Variants in SPAG16 observed in about 807,000 individuals in gnomAD.
SPAG16 encodes sperm-associated antigen 16 protein.
In SPAG16, 86 loss-of-function variants were observed where a neutral mutation model predicts 80.4. That is an observed-to-expected ratio of 1.07 (90% confidence interval 0.90 to 1.28). The LOEUF (loss-of-function observed/expected upper bound fraction) is 1.28, where lower values mean the gene tolerates loss of function less well. Ranked by LOEUF, SPAG16 falls within the 50% of genes most tolerant of loss-of-function variation. The pLI is 0.00. For missense variants in SPAG16, 870 were observed against 765.3 expected, an observed-to-expected ratio of 1.14 and a Z score of -1.61; for synonymous variants, 294 against 265.9, an observed-to-expected ratio of 1.11 and a Z score of -1.03.
Position 213,957,835 on chromosome 2 carries a change from C to T in SPAG16, c.1400+27690C>T, listed in dbSNP as rs562594428. Among the ~76,000 whole-genome samples the T allele has an allele frequency of 2.6e-5, 4 of 152,228 alleles. No individual in the cohort carries two copies. The South Asian group carries it at 8.3e-4, about 32-fold the overall frequency. ...GCACTATAATTTGAATTTATACCAGCTTAACTTCTGTTGTGATTTTCTAAT... is the reference window on the plus strand; with the variant it reads ...GCACTATAATTTGAATTTATACCAGTTTAACTTCTGTTGTGATTTTCTAAT... On this transcript the variant is annotated intron_variant, in intron 12 of 15. Transcript: ENST00000331683.
intron 12 of SPAG16, among the ~76,000 whole-genome samples, chr2:213,984,348 C>G (rs545505267): frequency 6.6e-6 from 1 of 152,170 alleles, no homozygotes; most frequent in South Asian, 2.1e-4. Context: ...CTATATACAT[C>G]CATAAGTGCA....
chr2:213,424,728 A>G (rs142206930), intron 9 of SPAG16, among the ~76,000 whole-genome samples: 2 of 152,298 alleles, frequency 1.3e-5, no homozygotes, highest in South Asian at 2.1e-4. Flanking sequence ...TAGAGATGCT[A>G]TAGTCCTTAC....
At chr2:213,688,901 T>C (rs934634000) in intron 10 of SPAG16, among the ~76,000 whole-genome samples, 1 of 152,226 alleles carries the variant, frequency 6.6e-6, no homozygotes, top group Non-Finnish European at 1.5e-5. Flanking sequence ...CTGTTTCTTC[T>C]TAACCTATTT....
chr2:213,500,156 A>G (rs1395194946), intron 10 of SPAG16, among the ~76,000 whole-genome samples: 1 of 152,168 alleles, frequency 6.6e-6, no homozygotes, highest in Non-Finnish European at 1.5e-5. Flanking sequence ...ACACCTGACA[A>G]ACCCACAGAA....
intron 10 of SPAG16, among the ~76,000 whole-genome samples, chr2:213,788,268 A>G (rs2070466049): frequency 6.6e-6 from 1 of 152,016 alleles, no homozygotes; most frequent in Admixed American, 6.6e-5. Flanking sequence ...AGTCAATATA[A>G]GTATTTATAG....
At chr2:213,554,880 T>C (rs564643631) in intron 10 of SPAG16, among the ~76,000 whole-genome samples, 1 of 151,880 alleles carries the variant, frequency 6.6e-6, no homozygotes, top group African/African-American at 2.4e-5. Flanking sequence ...ATTCAAGTTA[T>C]AAGAGTTTAA....
intron 15 of SPAG16, among the ~76,000 whole-genome samples, chr2:214,243,800 T>C (rs1441228981): frequency 6.6e-6 from 1 of 152,156 alleles, no homozygotes; most frequent in Non-Finnish European, 1.5e-5. Flanking sequence ...AGAGTTTGGA[T>C]TGGCAACAGT....
chr2:214,226,770 A>T (rs1190537261), intron 15 of SPAG16, among the ~76,000 whole-genome samples: 1 of 152,086 alleles, frequency 6.6e-6, no homozygotes, highest in Non-Finnish European at 1.5e-5. Context: ...AGAACTATTC[A>T]GTTCAGTCTT....
intron 13 of SPAG16, among the ~76,000 whole-genome samples, chr2:214,051,890 C>T (rs1037647244): frequency 2.0e-5 from 3 of 152,162 alleles, no homozygotes; most frequent in East Asian, 1.9e-4. Context: ...CATCATTAGA[C>T]GTACTTCATA....
intron 13 of SPAG16, among the ~76,000 whole-genome samples, chr2:214,023,418 GA>G (rs946818686): frequency 2.7e-5 from 4 of 148,204 alleles, no homozygotes; most frequent in East Asian, 4.0e-4. Context: ...AAAAAAAAAA[GA>G]AAAAAATACT....
At chr2:213,454,266 C>A (rs144797390) in intron 9 of SPAG16, among the ~76,000 whole-genome samples, 1 of 152,140 alleles carries the variant, frequency 6.6e-6, no homozygotes, top group Admixed American at 6.5e-5. Flanking sequence ...TTGATGTTAG[C>A]AAACTATGGA....
intron 10 of SPAG16, among the ~76,000 whole-genome samples, chr2:213,667,929 TCTA>T (rs759735442): frequency 1.3e-5 from 2 of 150,942 alleles, no homozygotes; most frequent in East Asian, 3.9e-4. Flanking sequence ...GAATAAAAAT[TCTA>T]CTATTTATTT....
chr2:214,310,213 A>AT (rs1282455590), intron 15 of SPAG16, among the ~76,000 whole-genome samples: 1 of 124,816 alleles, frequency 8.0e-6, no homozygotes, highest in Non-Finnish European at 1.7e-5. Context: ...CTTTATATTT[A>AT]TTTTTTCCTC....
intron 11 of SPAG16, among the ~76,000 whole-genome samples, chr2:213,877,212 A>T (rs998217916): frequency 6.6e-6 from 1 of 152,146 alleles, no homozygotes; most frequent in African/African-American, 2.4e-5. Context: ...CTTATTAAGG[A>T]TATCTTTCCC....
chr2:213,431,418 T>G (rs2070289540), intron 9 of SPAG16, among the ~76,000 whole-genome samples: 1 of 151,682 alleles, frequency 6.6e-6, no homozygotes. Flanking sequence ...AAAAAAGATA[T>G]TCCATGCAAA....
At chr2:213,333,369 A>G (rs2064193917) in intron 5 of SPAG16, among the ~76,000 whole-genome samples, 1 of 152,198 alleles carries the variant, frequency 6.6e-6, no homozygotes, top group Admixed American at 6.5e-5. Context: ...AGCAACATGG[A>G]AAGACATTAC....
chr2:213,481,311 A>G (rs2073736795), intron 9 of SPAG16, among the ~76,000 whole-genome samples: 1 of 152,236 alleles, frequency 6.6e-6, no homozygotes, highest in Non-Finnish European at 1.5e-5. Flanking sequence ...TTTTCAAAGT[A>G]AACTGCTAGT....
chr2:214,085,149 G>A (rs909354068), intron 13 of SPAG16, among the ~76,000 whole-genome samples: 2 of 152,122 alleles, frequency 1.3e-5, no homozygotes, highest in African/African-American at 2.4e-5. Flanking sequence ...GTAAAGCCAT[G>A]AGAAATTTGG....
At chr2:213,477,267 A>G (rs1481941010) in intron 9 of SPAG16, among the ~76,000 whole-genome samples, 4 of 152,150 alleles carry the variant, frequency 2.6e-5, no homozygotes, top group African/African-American at 4.8e-5. Flanking sequence ...CTGTCCACCT[A>G]TGAATTTGTC....
Sources: gnomAD v4.1 joint callset for allele counts (sites outside exome capture counted in the v4.1 genomes callset) on GRCh38, gnomAD v4.1.1 for gene constraint, MANE v1.5 for transcripts, NCBI Gene and HGNC (gene_info 2026-07-23, HGNC 2026-07-21) for gene names.